Variants in RAD50 observed in about 807,000 individuals in gnomAD.
The protein encoded by RAD50 is RAD50 double strand break repair protein.
RAD50 carries 132 observed loss-of-function variants against 168.8 expected under a neutral mutation model. That is an observed-to-expected ratio of 0.78 (90% CI 0.68 to 0.90). RAD50 has a LOEUF of 0.90. Among genes scored for constraint, RAD50 ranks in the 40% least tolerant of loss-of-function variants. The pLI is 0.00. For missense variants in RAD50, 1,347 were observed against 1,534.4 expected, an observed-to-expected ratio of 0.88 and a Z score of 2.04; for synonymous variants, 525 against 497.4, an observed-to-expected ratio of 1.06 and a Z score of -0.74.
At position 132,603,469 on chromosome 5, in the gene RAD50, A is replaced by G. The variant is rs876659542; in HGVS notation, c.2377A>G (p.Thr793Ala). ...ESAKVCLTDV[T>A]IMERFQMELK... ...TGCCAAAGTATGCCTGACAGATGTTACAATTATGGAGAGGTTCCAGGTAAG... is the reference window on the plus strand; with the variant it reads ...TGCCAAAGTATGCCTGACAGATGTTGCAATTATGGAGAGGTTCCAGGTAAG... The change falls in exon 14 of 25, where the codon ACA becomes GCA. Residue 793 changes from threonine to alanine, a missense_variant. Physicochemically the swap from Thr to Ala is moderately conservative, Grantham distance 58. Transcript: ENST00000378823. The G allele has an allele frequency of 6.2e-7, 1 of 1,613,896 alleles. No homozygotes were observed. The highest frequency in any genetic ancestry group is 8.5e-7 in the Non-Finnish European group (1 of 1,179,832).
intron 5 of RAD50, among the ~76,000 whole-genome samples, chr5:132,586,070 G>A (rs1750590499): frequency 6.6e-6 from 1 of 152,128 alleles, no homozygotes; most frequent in Non-Finnish European, 1.5e-5. Flanking sequence ...TTGACCCAGT[G>A]TCACAAAAAT....
At chr5:132,572,583 G>C (rs1750325460) in intron 2 of RAD50, among the ~76,000 whole-genome samples, 1 of 152,000 alleles carries the variant, frequency 6.6e-6, no homozygotes, top group African/African-American at 2.4e-5. Context: ...GAAAAAATAG[G>C]TGATTATATG....
rs876660232 is a variant in RAD50 at position 132,618,220 on chromosome 5, A to G, written c.3315A>G (p.Arg1105=). The change falls in exon 21 of 25, where the codon AGA becomes AGG. Residue 1105 remains arginine (R), a synonymous_variant. Transcript: ENST00000378823. ...TTCGGGATGCTGAGGAAAAGTATAG[A>G]GAAATGATGATTGTTATGAGGACAA... The part of the protein sequence containing the change: ...PQFRDAEEKY[R]EMMIVMRTTE... 6.2e-7 allele frequency: 1 copy of G among 1,614,076 alleles called. No homozygotes were observed. Among genetic ancestry groups the G allele is most frequent in the East Asian group, 2.2e-5 (1 of 44,828 alleles).
chr5:132,583,308 G>A (rs1750537179), intron 5 of RAD50, among the ~76,000 whole-genome samples: 1 of 152,116 alleles, frequency 6.6e-6, no homozygotes, highest in Non-Finnish European at 1.5e-5. Flanking sequence ...GTGGAAATAA[G>A]GGTTAAAGGT....
At chr5:132,574,298 T>C (rs913006098) in intron 2 of RAD50, among the ~76,000 whole-genome samples, 1 of 152,188 alleles carries the variant, frequency 6.6e-6, no homozygotes, top group Non-Finnish European at 1.5e-5. Flanking sequence ...ACCTGCAGGC[T>C]CAACACCACG....
At chr5:132,592,796 C>A (rs1210277648) in intron 11 of RAD50, 1 of 470,602 alleles carries the variant, frequency 2.1e-6, no homozygotes, top group African/African-American at 2.0e-5. Flanking sequence ...TCCATCACCT[C>A]CTGTTACAAT....
intron 22 of RAD50, 97 bp downstream of exon 22, chr5:132,637,297 C>A: frequency 6.6e-7 from 1 of 1,514,044 alleles, no homozygotes; most frequent in Non-Finnish European, 8.9e-7. Context: ...CCTCCCTGGA[C>A]CCCTTTCTAA....
rs181426798 is a variant in RAD50 at position 132,635,245 on chromosome 5, C to A, written c.3390-1870C>A. On this transcript the variant is annotated intron_variant, in intron 21 of 24. Coordinates refer to ENST00000378823, the MANE Select transcript of RAD50 (RefSeq NM_005732.4). ...AAATAGAGATAACAGTATCTAATTC[C>A]CAGTATTGTCGTAAGGATTAAATGA... is the stretch of plus-strand genomic sequence containing the variant. Among the ~76,000 whole-genome samples the A allele has an allele frequency of 8.4e-4, 128 of 152,244 alleles. 3 individuals carry two copies. The East Asian group carries it at 0.017, about 20-fold the overall frequency.
chr5:132,567,327 G>C (rs1310925957), intron 2 of RAD50, among the ~76,000 whole-genome samples: 1 of 152,142 alleles, frequency 6.6e-6, no homozygotes, highest in African/African-American at 2.4e-5. Context: ...CACAGATAAT[G>C]CAGGGCTATA....
intron 13 of RAD50, among the ~76,000 whole-genome samples, chr5:132,601,890 C>T (rs978871246): frequency 6.6e-6 from 1 of 152,096 alleles, no homozygotes; most frequent in Non-Finnish European, 1.5e-5. Flanking sequence ...GAAAACCAAA[C>T]ATTGCATGTT....
Position 132,644,596 on chromosome 5 carries a change from T to C in RAD50, c.*2232T>C. On this transcript the variant is annotated 3_prime_UTR_variant, in exon 25 of 25. Coordinates refer to ENST00000378823, the MANE Select transcript of RAD50 (RefSeq NM_005732.4). ...CCACCTACTAAATACTGTGTAAGTG[T>C]TCAAGAAAAAGCTGTCTTCATTTCA... is the stretch of plus-strand genomic sequence containing the variant. 5.5e-6 allele frequency: 1 copy of C among 182,316 alleles called. No individual in the cohort carries two copies. The highest frequency in any genetic ancestry group is 2.3e-5 in the African/African-American group (1 of 42,582). The allele number at this position is 182,316 out of a possible 1,614,324, so 11.3% of individuals were successfully genotyped here. A position where few individuals can be genotyped will look rare whatever the true frequency, so the allele number is the denominator to read the frequency against.
intron 2 of RAD50, among the ~76,000 whole-genome samples, chr5:132,568,092 A>T (rs1750238973): frequency 6.6e-6 from 1 of 150,790 alleles, no homozygotes; most frequent in African/African-American, 2.4e-5. Context: ...TTTTTTTGAG[A>T]TGGAGTCTCA....
intron 2 of RAD50, among the ~76,000 whole-genome samples, chr5:132,570,019 A>G (rs1750273343): frequency 6.6e-6 from 1 of 152,246 alleles, no homozygotes; most frequent in Admixed American, 6.5e-5. Context: ...AATTTGCCAC[A>G]TTAACAGAAT....
intron 2 of RAD50, among the ~76,000 whole-genome samples, chr5:132,572,701 T>C (rs1229622545): frequency 6.6e-6 from 1 of 152,218 alleles, no homozygotes; most frequent in African/African-American, 2.4e-5. Flanking sequence ...ACTTTAAACT[T>C]TATTTTGTAG....
At position 132,640,693 on chromosome 5, in the gene RAD50, C is replaced by A. The variant is rs546479838; in HGVS notation, c.3640C>A (p.Arg1214Ser). The A allele has an allele frequency of 6.2e-7, 1 of 1,614,222 alleles. No individual in the cohort carries two copies. The highest frequency in any genetic ancestry group is 8.5e-7 in the Non-Finnish European group (1 of 1,180,034). Residue 1214 changes from arginine to serine, a missense_variant, in exon 24 of 25, where the codon CGC (arginine) becomes AGC (serine). Around this residue, in one of 3 missense-constraint regions of RAD50, gnomAD observed 635 missense variants for 739.2 expected, o/e 0.86. Transcript: ENST00000378823. ...GQKVLASLII[R>S]LALAETFCLN... ...CCAGGTATTAGCCTCACTCATCATTCGCCTGGCCCTGGCTGAAACGTTCTG... is the reference window on the plus strand; with the variant it reads ...CCAGGTATTAGCCTCACTCATCATTAGCCTGGCCCTGGCTGAAACGTTCTG...
intron 4 of RAD50, 125 bp from the exon 5 acceptor site, chr5:132,579,737 C>T: frequency 1.1e-6 from 1 of 933,614 alleles, no homozygotes; most frequent in Non-Finnish European, 1.7e-6. Context: ...ATGTCATAGG[C>T]ATTTTACAAG....
intron 11 of RAD50, 151 bp from the exon 12 acceptor site, chr5:132,594,718 A>G: frequency 2.8e-6 from 2 of 709,734 alleles, no homozygotes; most frequent in Non-Finnish European, 4.7e-6. Flanking sequence ...GCAGAAGTGG[A>G]CTAGTCCCTC....
chr5:132,637,134 A>G lies in RAD50; in HGVS notation c.3409A>G (p.Ser1137Gly). 6.2e-7 allele frequency: 1 copy of G among 1,610,264 alleles called. No homozygotes were observed. The highest frequency in any genetic ancestry group is 8.5e-7 in the Non-Finnish European group (1 of 1,177,736). The change falls in exon 22 of 25, where the codon AGT becomes GGT. Residue 1137 changes from serine to glycine, a missense_variant. Coordinates refer to ENST00000378823, the MANE Select transcript of RAD50 (RefSeq NM_005732.4). ...TTCCAGAGCAATAATGAAATTTCACAGTATGAAAATGGAAGAAATCAATAA... is the reference window on the plus strand; with the variant it reads ...TTCCAGAGCAATAATGAAATTTCACGGTATGAAAATGGAAGAAATCAATAA... ...TLDQAIMKFH[S>G]MKMEEINKII... is the part of the protein sequence containing the mutation.
At chr5:132,559,704 T>C (rs1750086616) in intron 2 of RAD50, among the ~76,000 whole-genome samples, 1 of 152,226 alleles carries the variant, frequency 6.6e-6, no homozygotes, top group African/African-American at 2.4e-5. Flanking sequence ...GTCTGAGATA[T>C]TTTCTACTTA....
Sources: gnomAD v4.1 joint callset for allele counts (sites outside exome capture counted in the v4.1 genomes callset) on GRCh38, gnomAD v4.1.1 for gene constraint, gnomAD v4.1.1 regional missense constraint, MANE v1.5 for transcripts, NCBI Gene and HGNC (gene_info 2026-07-23, HGNC 2026-07-21) for gene names.